Variants in FAF1 observed in about 807,000 individuals in gnomAD.
FAF1 encodes the protein FAS-associated factor 1.
A neutral mutation model predicts 92.5 loss-of-function variants in FAF1; 25 were observed. The observed-to-expected ratio is 0.27, with a 90% CI of 0.20 to 0.38. The LOEUF is 0.38. Among genes scored for constraint, FAF1 ranks in the 10% least tolerant of loss-of-function variants. The pLI, the probability that FAF1 is intolerant of heterozygous loss-of-function variation, is 1.00. For missense variants in FAF1, 636 were observed against 793.3 expected, an observed-to-expected ratio of 0.80 and a Z score of 2.38; for synonymous variants, 234 against 273.2, an observed-to-expected ratio of 0.86 and a Z score of 1.42.
intron 18 of FAF1, among the ~76,000 whole-genome samples, chr1:50,467,384 G>A (rs1257234193): frequency 6.6e-6 from 1 of 152,092 alleles, no homozygotes; most frequent in Non-Finnish European, 1.5e-5. Flanking sequence ...CGCAATCTCG[G>A]CTCACTGCAA....
At chr1:50,822,358 T>C (rs1369035275) in intron 2 of FAF1, among the ~76,000 whole-genome samples, 5 of 152,164 alleles carry the variant, frequency 3.3e-5, no homozygotes, top group South Asian at 4.1e-4. Flanking sequence ...CCTTAAACAA[T>C]TCACCTCTTG....
At chr1:50,592,503 G>A (rs1163337918) in intron 9 of FAF1, among the ~76,000 whole-genome samples, 1 of 152,132 alleles carries the variant, frequency 6.6e-6, no homozygotes, top group East Asian at 1.9e-4. Context: ...TAAAGAAACT[G>A]TGTCTGTAGG....
At chr1:50,812,550 T>C (rs192880172) in intron 2 of FAF1, among the ~76,000 whole-genome samples, 10 of 152,284 alleles carry the variant, frequency 6.6e-5, no homozygotes, top group Non-Finnish European at 1.0e-4. Flanking sequence ...TCAGAATGGC[T>C]ATTATTTAAA....
intron 1 of FAF1, among the ~76,000 whole-genome samples, chr1:50,898,609 A>G (rs140273958): frequency 3.3e-4 from 50 of 152,276 alleles, no homozygotes; most frequent in African/African-American, 1.2e-3. Context: ...AATGTTTCCT[A>G]TAGAAGGGAG....
intron 1 of FAF1, among the ~76,000 whole-genome samples, chr1:50,929,071 C>CAAAAAAAAAAAAAAAA (rs59078269): frequency 2.7e-5 from 1 of 36,856 alleles, no homozygotes; most frequent in Non-Finnish European, 5.4e-5. Context: ...GACACTGTCT[C>CAAAAAAAAAAAAAAAA]AAAAAAAAAA....
At chr1:50,712,624 C>G (rs931104818) in intron 6 of FAF1, among the ~76,000 whole-genome samples, 1 of 152,072 alleles carries the variant, frequency 6.6e-6, no homozygotes. Context: ...CCACTGCACT[C>G]CAGCCTGGGC....
intron 8 of FAF1, among the ~76,000 whole-genome samples, chr1:50,610,735 G>C (rs1316521514): frequency 6.6e-6 from 1 of 151,936 alleles, no homozygotes; most frequent in African/African-American, 2.4e-5. Flanking sequence ...AGAGCCCATG[G>C]GAAGCCACAC....
chr1:50,484,102 CATA>C (rs1023634360), intron 17 of FAF1, among the ~76,000 whole-genome samples: 2 of 152,018 alleles, frequency 1.3e-5, no homozygotes, highest in Non-Finnish European at 2.9e-5. Flanking sequence ...ATATAATAGT[CATA>C]ATACTGGATG....
At chr1:50,935,304 A>C (rs1321597234) in intron 1 of FAF1, among the ~76,000 whole-genome samples, 1 of 152,224 alleles carries the variant, frequency 6.6e-6, no homozygotes, top group East Asian at 1.9e-4. Flanking sequence ...ACAAATCACC[A>C]TGAATTCATT....
At chr1:50,521,823 T>C (rs1647513326) in intron 15 of FAF1, among the ~76,000 whole-genome samples, 1 of 152,192 alleles carries the variant, frequency 6.6e-6, no homozygotes, top group African/African-American at 2.4e-5. Context: ...TGTCAAAAAG[T>C]GTTACTGTAA....
chr1:50,809,982 G>A (rs927217461), intron 2 of FAF1, among the ~76,000 whole-genome samples: 17 of 152,290 alleles, frequency 1.1e-4, no homozygotes, highest in Non-Finnish European at 1.5e-4. Context: ...TTGGCTTGGC[G>A]CAGTGGCTCA....
intron 3 of FAF1, among the ~76,000 whole-genome samples, chr1:50,793,959 G>T (rs1661654262): frequency 6.6e-6 from 1 of 152,128 alleles, no homozygotes; most frequent in Admixed American, 6.5e-5. Flanking sequence ...GAACATTTTG[G>T]ATATCAGATT....
chr1:50,473,560 T>C (rs1646601981), intron 18 of FAF1, among the ~76,000 whole-genome samples: 2 of 152,226 alleles, frequency 1.3e-5, no homozygotes, highest in South Asian at 4.1e-4. Flanking sequence ...TTGTTAAATG[T>C]TCACACACTG....
chr1:50,730,881 T>C (rs1658887322), intron 6 of FAF1, among the ~76,000 whole-genome samples: 1 of 152,242 alleles, frequency 6.6e-6, no homozygotes, highest in Non-Finnish European at 1.5e-5. Flanking sequence ...TCATTCCTGC[T>C]TCACATGACA....
At chr1:50,869,853 CT>C (rs775881423) in intron 1 of FAF1, among the ~76,000 whole-genome samples, 10 of 152,112 alleles carry the variant, frequency 6.6e-5, no homozygotes, top group Admixed American at 1.3e-4. Flanking sequence ...CTTAAAGTCT[CT>C]TTGTTACCAG....
intron 12 of FAF1, among the ~76,000 whole-genome samples, chr1:50,576,933 T>C (rs1179094991): frequency 1.3e-5 from 2 of 151,776 alleles, no homozygotes; most frequent in Admixed American, 6.6e-5. Context: ...CCTCGAAGTG[T>C]TGGGATTACA....
chr1:50,492,907 T>C (rs868291713), intron 15 of FAF1, among the ~76,000 whole-genome samples: 14 of 152,210 alleles, frequency 9.2e-5, no homozygotes, highest in African/African-American at 3.4e-4. Flanking sequence ...TCCTAATCTT[T>C]CAAATAAAAA....
chr1:50,470,602 C>T (rs1646559361), intron 18 of FAF1: 2 of 152,104 alleles, frequency 1.3e-5, no homozygotes, highest in Admixed American at 6.5e-5. Flanking sequence ...GCCCTTCCTA[C>T]CTCTTCTGCT....
At chr1:50,775,710 A>C (rs893590126) in intron 4 of FAF1, among the ~76,000 whole-genome samples, 1 of 152,104 alleles carries the variant, frequency 6.6e-6, no homozygotes, top group African/African-American at 2.4e-5. Flanking sequence ...AATCAGGGGA[A>C]TTATCTTAAT....
Sources: gnomAD v4.1 joint callset for allele counts (sites outside exome capture counted in the v4.1 genomes callset) on GRCh38, gnomAD v4.1.1 for gene constraint, MANE v1.5 for transcripts, NCBI Gene and HGNC (gene_info 2026-07-23, HGNC 2026-07-21) for gene names.